The following LAMA2 variants were observed in gnomAD, a reference collection of about 807,000 sequenced individuals.
LAMA2 encodes the protein laminin subunit alpha-2.
Under a neutral mutation model 364.8 loss-of-function variants are expected in LAMA2, and 269 were observed. The ratio of observed to expected loss-of-function variants is 0.74; its 90% CI spans 0.67 to 0.82. LAMA2 has a LOEUF of 0.82. Ranked by LOEUF, LAMA2 falls within the 40% of genes least tolerant of loss-of-function variation. The pLI, the probability that LAMA2 is intolerant of heterozygous loss-of-function variation, is 0.00. For missense variants in LAMA2, 3,807 were observed against 3,873.2 expected (o/e 0.98, Z 0.45); for synonymous variants, 1,379 against 1,370.6 (o/e 1.01, Z -0.14).
intron 40 of LAMA2, among the ~76,000 whole-genome samples, chr6:129,408,073 A>G (rs781608028): frequency 2.0e-5 from 3 of 152,100 alleles, no homozygotes; most frequent in Non-Finnish European, 4.4e-5. Context: ...TGGAACTAAG[A>G]TGTCTAGGCC....
intron 12 of LAMA2, among the ~76,000 whole-genome samples, chr6:129,213,747 T>C (rs1468696334): frequency 6.6e-6 from 1 of 152,192 alleles, no homozygotes; most frequent in Non-Finnish European, 1.5e-5. Flanking sequence ...TAAGAGTTCT[T>C]TGTATGTTTT....
intron 22 of LAMA2, among the ~76,000 whole-genome samples, chr6:129,303,573 G>A (rs995791875): frequency 2.0e-5 from 3 of 152,122 alleles, no homozygotes; most frequent in East Asian, 1.9e-4. Context: ...TTATTGTTTT[G>A]AGGATGCCCC....
intron 42 of LAMA2, 84 bp from the exon 43 acceptor site, chr6:129,440,732 C>A: frequency 2.4e-6 from 3 of 1,226,314 alleles, no homozygotes; most frequent in South Asian, 1.2e-5. Context: ...GGTCAGCCAG[C>A]CACAGCCTCG....
intron 35 of LAMA2, among the ~76,000 whole-genome samples, chr6:129,385,725 A>G (rs1015158496): frequency 2.4e-4 from 37 of 152,176 alleles, no homozygotes; most frequent in African/African-American, 8.9e-4. Flanking sequence ...ATTAGAATTA[A>G]TGAGTGGACA....
At chr6:128,997,314 C>CA (rs1309891544) in intron 1 of LAMA2, among the ~76,000 whole-genome samples, 2 of 125,814 alleles carry the variant, frequency 1.6e-5, no homozygotes, top group Non-Finnish European at 1.6e-5. Context: ...AAGAAAGAAA[C>CA]AAAGAGAGAG....
At chr6:129,422,020 G>A (rs765554801) in intron 40 of LAMA2, among the ~76,000 whole-genome samples, 62 of 151,828 alleles carry the variant, frequency 4.1e-4, no homozygotes, top group Non-Finnish European at 7.2e-4. Context: ...TTCCTTACTC[G>A]CACATTCAAA....
At position 129,425,569 on chromosome 6, in the gene LAMA2, TTCTC is replaced by T. The variant is rs140828163; in HGVS notation, c.5866-2180_5866-2177del. On this transcript the variant is annotated intron_variant, in intron 40 of 64. Transcript: ENST00000421865. ...CTACCCAATAGTTATTTTTCTCTGT[TTCTC>T]TCCCTCCTCCCACTAGCTACCCTCA... is the stretch of plus-strand genomic sequence containing the variant. Among the ~76,000 whole-genome samples, 429 of 152,138 alleles carry T rather than the reference TTCTC, an allele frequency of 2.8e-3. 3 individuals are homozygous for T. The highest frequency in any genetic ancestry group is 9.8e-3 in the African/African-American group (407 of 41,498).
At chr6:129,191,366 T>C (rs1341398813) in intron 11 of LAMA2, among the ~76,000 whole-genome samples, 1 of 152,248 alleles carries the variant, frequency 6.6e-6, no homozygotes, top group Non-Finnish European at 1.5e-5. Context: ...ATATTATCTA[T>C]ACGTTATCAA....
chr6:129,227,370 G>A (rs551450834), intron 12 of LAMA2, among the ~76,000 whole-genome samples: 7 of 152,274 alleles, frequency 4.6e-5, no homozygotes, highest in African/African-American at 1.7e-4. Flanking sequence ...TCCATTGCTG[G>A]CAAGGAGCTT....
At position 129,342,373 on chromosome 6, in the gene LAMA2, T is replaced by C. The variant is rs1334243603; in HGVS notation, c.4342T>C (p.Cys1448Arg). 1.2e-6 allele frequency: 2 copies of C among 1,613,356 alleles called. No homozygotes were observed. The highest frequency in any genetic ancestry group is 1.3e-5 in the African/African-American group (1 of 74,920). ...NCQHHTAGDF[C>R]ERCALGYYGI... The stretch of plus-strand genomic sequence containing the variant: ...TCAACATCACACTGCTGGTGACTTC[T>C]GTGAACGATGTGCTCTTGGATACTA... Residue 1448 changes from cysteine to arginine, a missense_variant, in exon 30 of 65, where the codon TGT (cysteine) becomes CGT (arginine). Physicochemically the swap from Cys to Arg is radical, Grantham distance 180. This residue lies in a region of LAMA2 where 3,333 missense variants were observed against 3,345.7 expected (regional missense o/e 1.00). Coordinates refer to ENST00000421865, the MANE Select transcript of LAMA2 (RefSeq NM_000426.4).
intron 8 of LAMA2, among the ~76,000 whole-genome samples, chr6:129,156,687 G>A (rs1447401732): frequency 6.6e-6 from 1 of 152,142 alleles, no homozygotes; most frequent in African/African-American, 2.4e-5. Context: ...CAACTTAGGA[G>A]AGGATGTTTT....
chr6:129,015,822 T>A (rs1186202012), intron 1 of LAMA2, among the ~76,000 whole-genome samples: 1 of 152,100 alleles, frequency 6.6e-6, no homozygotes, highest in Non-Finnish European at 1.5e-5. Context: ...ACCATTTGTA[T>A]TTTGAACTCT....
intron 1 of LAMA2, among the ~76,000 whole-genome samples, chr6:129,038,319 T>C (rs374014316): frequency 4.6e-5 from 7 of 152,342 alleles, no homozygotes; most frequent in African/African-American, 1.4e-4. Context: ...AGTTATTCTA[T>C]CCTAATCTTT....
Position 129,315,561 on chromosome 6 carries a change from A to G in LAMA2, c.3641A>G (p.His1214Arg). Reference sequence around the variant, plus strand: ...ACCACCAAGGGCATTGTTTTTCAACATCCAGAGATTGTTGCCCACATGGAC... The same window carrying G: ...ACCACCAAGGGCATTGTTTTTCAACGTCCAGAGATTGTTGCCCACATGGAC... ...HTTTKGIVFQHPEIVAHMDLM... is the reference protein window; with the variant it reads ...HTTTKGIVFQRPEIVAHMDLM... The change falls in exon 25 of 65, where the codon CAT becomes CGT. Residue 1214 changes from histidine (H) to arginine (R), a missense_variant. Around this residue, in one of 3 missense-constraint regions of LAMA2, gnomAD observed 3,333 missense variants for 3,345.7 expected, o/e 1.00. Coordinates refer to ENST00000421865, the MANE Select transcript of LAMA2 (RefSeq NM_000426.4). 6.2e-7 allele frequency: 1 copy of G among 1,614,210 alleles called. No homozygotes were observed. The highest frequency in any genetic ancestry group is 8.5e-7 in the Non-Finnish European group (1 of 1,180,018).
chr6:129,132,267 T>C (rs1438389348), intron 4 of LAMA2, among the ~76,000 whole-genome samples: 2 of 151,616 alleles, frequency 1.3e-5, no homozygotes, highest in African/African-American at 4.9e-5. Context: ...CCCGGGTTCA[T>C]GCCATTCTCC....
In LAMA2 at chr6:129,391,393, T is replaced by C. The variant is rs537337330; in HGVS notation, c.5072-98T>C. 27 of 1,021,184 alleles carry C rather than the reference T, an allele frequency of 2.6e-5. No individual in the cohort carries two copies. In the South Asian group the frequency reaches 3.2e-4, roughly 12 times the overall value. The allele number at this position is 1,021,184 out of a possible 1,614,324, so 63.3% of individuals were successfully genotyped here. A position where few individuals can be genotyped will look rare whatever the true frequency, so the allele number is the denominator to read the frequency against. ...CAGGAACACTCACGGCAAAATACTC[T>C]TCATTTGGAGATGGTGGTGCCCAGC... On this transcript the variant is annotated intron_variant, in intron 35 of 64. Transcript: ENST00000421865.
chr6:129,493,572 G>C (rs746985600), intron 58 of LAMA2, among the ~76,000 whole-genome samples: 1 of 152,158 alleles, frequency 6.6e-6, no homozygotes, highest in Non-Finnish European at 1.5e-5. Flanking sequence ...AAAAGATAAT[G>C]TTTGTTCAAT....
chr6:129,381,993 C>T (rs894498837), intron 34 of LAMA2, among the ~76,000 whole-genome samples: 5 of 152,148 alleles, frequency 3.3e-5, no homozygotes, highest in African/African-American at 1.2e-4. Context: ...ATTCCTCTAG[C>T]GTCTTTTACC....
chr6:129,139,731 A>T (rs1778004847), intron 4 of LAMA2, among the ~76,000 whole-genome samples: 1 of 152,050 alleles, frequency 6.6e-6, no homozygotes, highest in Non-Finnish European at 1.5e-5. Context: ...TGGATTTAAG[A>T]GGTCCCCAGA....
Sources: allele counts gnomAD v4.1 joint callset (sites outside exome capture counted in the v4.1 genomes callset), GRCh38; gene constraint gnomAD v4.1.1; regional missense constraint gnomAD v4.1.1; transcripts MANE v1.5; gene names NCBI Gene and HGNC (gene_info 2026-07-23, HGNC 2026-07-21).